NCAPD3: variants seen among roughly 807,000 people sequenced by gnomAD.
NCAPD3 encodes condensin-2 complex subunit D3.
NCAPD3 carries 105 observed loss-of-function variants against 182.9 expected under a neutral mutation model. The observed-to-expected ratio is 0.57, with a 90% CI of 0.49 to 0.68. The LOEUF (loss-of-function observed/expected upper bound fraction) is 0.68. Ranked by LOEUF, NCAPD3 falls within the 30% of genes least tolerant of loss-of-function variation. The probability of loss-of-function intolerance (pLI) is 0.00; values close to 1 mark genes in which losing one functional copy is unlikely to be tolerated. For missense variants in NCAPD3, 1,944 were observed against 1,837.0 expected (o/e 1.06, Z -1.07); for synonymous variants, 815 against 679.9 (o/e 1.20, Z -3.09).
At chr11:134,172,316 C>G (rs968451921) in intron 24 of NCAPD3, among the ~76,000 whole-genome samples, 1 of 152,222 alleles carries the variant, frequency 6.6e-6, no homozygotes, top group East Asian at 1.9e-4. Context: ...CCCATCTGGA[C>G]CCAATGTCAC....
At chr11:134,169,155 A>G in intron 24 of NCAPD3, 101 bp from the exon 25 acceptor site, 2 of 1,180,786 alleles carry the variant, frequency 1.7e-6, no homozygotes, top group South Asian at 2.0e-5. Context: ...GCTGTACATA[A>G]GCGTAGGGAT....
chr11:134,174,248 T>C (rs10791347), intron 24 of NCAPD3, among the ~76,000 whole-genome samples: 53,984 of 151,022 alleles, frequency 0.36, 9,816 homozygotes, highest in African/African-American at 0.43. Context: ...CCGAGTATGG[T>C]GGCATGCACC....
In NCAPD3 at chr11:134,192,820, C is replaced by T. The variant is rs1447476664; in HGVS notation, c.1914G>A (p.Lys638=). 3 of 1,614,058 alleles carry T rather than the reference C, an allele frequency of 1.9e-6. No individual in the cohort carries two copies. The highest frequency in any genetic ancestry group is 2.5e-6 in the Non-Finnish European group (3 of 1,180,008). ...GCAGCTGGTCCAGGAACTCCAGGGC[C>T]TTCTCCTGCACAGTGCTCTCGCAGT... The part of the protein sequence containing the change: ...VMDCESTVQE[K]ALEFLDQLLL... Residue 638 remains lysine, a synonymous_variant, in exon 16 of 35, where the codon AAG becomes AAA. Transcript: ENST00000534548.
rs1000040961 is a variant in NCAPD3 at position 134,154,479 on chromosome 11, C to CG, written c.4253-1117_4253-1116insC. Among the ~76,000 whole-genome samples the CG allele has an allele frequency of 6.3e-5, 8 of 127,662 alleles. 2 individuals carry two copies. Among genetic ancestry groups the CG allele is most frequent in the African/African-American group, 1.0e-4 (3 of 29,208 alleles). The allele number at this position is 127,662 out of a possible 152,430, so 83.8% of individuals were successfully genotyped here. ...GTCTGCACATTATGCTTCTCTGCAC[C>CG]CCCCCCCCCACCGCCCCATCTGCCT... is the stretch of plus-strand genomic sequence containing the variant. On this transcript the variant is annotated intron_variant, in intron 32 of 34. Transcript: ENST00000534548.
chr11:134,163,854 G>A (rs375059152), intron 27 of NCAPD3, among the ~76,000 whole-genome samples: 11 of 128,650 alleles, frequency 8.6e-5, no homozygotes, highest in South Asian at 4.8e-4. Context: ...CCTGGGCGAC[G>A]CAGTGAGATT....
chr11:134,191,165 T>A (rs915912799), intron 16 of NCAPD3, among the ~76,000 whole-genome samples: 2 of 152,234 alleles, frequency 1.3e-5, no homozygotes, highest in African/African-American at 4.8e-5. Context: ...CACAACCTGA[T>A]TCCAGGTTTA....
chr11:134,192,886 GATCTGCACGC>G lies in NCAPD3; in HGVS notation c.1838_1847del (p.Cys613SerfsTer13). On this transcript the variant is annotated frameshift_variant, in exon 16 of 35. Transcript: ENST00000534548. LOFTEE classifies it high-confidence loss of function. ...CCACCCCCCGCAACCAGGCTTTCTG[GATCTGCACGC>G]ATCTAGGCTGAGCCTTAGGAGTGAA... is the stretch of plus-strand genomic sequence containing the variant. 8 of 1,611,036 alleles carry G rather than the reference GATCTGCACGC, an allele frequency of 5.0e-6. No individual in the cohort carries two copies. Among genetic ancestry groups the G allele is most frequent in the Non-Finnish European group, 6.8e-6 (8 of 1,177,260 alleles).
rs542838505 is a variant in NCAPD3, at chr11:134,201,271, C to T, written c.1615+1545G>A. Among the ~76,000 whole-genome samples, 14 of 152,038 alleles carry T rather than the reference C, an allele frequency of 9.2e-5. 1 individual carries two copies. Among genetic ancestry groups the T allele is most frequent in the Non-Finnish European group, 1.5e-4 (10 of 68,002 alleles). ...TCTCCTGACCTCGTGATCCTCCTCC[C>T]GTCTCGGCCTCCCAATGTGCCAGGA... On this transcript the variant is annotated intron_variant, in intron 13 of 34. Transcript: ENST00000534548.
chr11:134,207,110 T>C (rs535969755), intron 7 of NCAPD3, among the ~76,000 whole-genome samples: 3 of 152,176 alleles, frequency 2.0e-5, no homozygotes, highest in African/African-American at 4.8e-5. Context: ...TACACCTGCT[T>C]TTTGCCTCCA....
At chr11:134,161,563 G>T (rs547346365) in intron 28 of NCAPD3, among the ~76,000 whole-genome samples, 2 of 152,334 alleles carry the variant, frequency 1.3e-5, no homozygotes, top group East Asian at 3.9e-4. Context: ...CAGTGGGCCG[G>T]CTCTTCACGG....
chr11:134,179,032 C>A, intron 20 of NCAPD3, 96 bp from the exon 21 acceptor site: 3 of 785,542 alleles, frequency 3.8e-6, no homozygotes, highest in Admixed American at 5.2e-5. Flanking sequence ...TCCTTTATCC[C>A]CCAAATTTAA....
chr11:134,152,959 C>T lies in NCAPD3; in HGVS notation c.4482G>A (p.Leu1494=). Residue 1494 remains leucine, a synonymous_variant, in exon 35 of 35, where the codon CTG becomes CTA. Transcript: ENST00000534548. ...GAGGCGCTGTTTAGTTGGCTGTTTT[C>T]AGAGGGGTCTTTCGGAGGGACCTCC... ...CSRRSLRKTP[L]KTAN is the part of the protein sequence containing the mutation. 1 of 1,559,098 alleles carries T rather than the reference C, an allele frequency of 6.4e-7. No homozygotes were observed. The highest frequency in any genetic ancestry group is 1.9e-5 in the Admixed American group (1 of 52,598).
chr11:134,197,228 T>C (rs192644818), intron 13 of NCAPD3, among the ~76,000 whole-genome samples: 1 of 151,576 alleles, frequency 6.6e-6, no homozygotes, highest in East Asian at 1.9e-4. Context: ...TGCAGAACCA[T>C]GAACCAATTA....
In NCAPD3 at chr11:134,153,355, T is replaced by C. The variant is rs565507967; in HGVS notation, c.4261A>G (p.Ser1421Gly). Residue 1421 changes from serine (S) to glycine (G), a missense_variant, in exon 33 of 35, where the codon AGT becomes GGT. By Grantham distance (56) the Ser-to-Gly change is moderately conservative (BLOSUM62 0). Transcript: ENST00000534548. Reference sequence around the variant, plus strand: ...ACCCCTGCTCCAAACGTGACATCACTGATGCTCTCTGCATAAAGAGGAGAC... The same window carrying C: ...ACCCCTGCTCCAAACGTGACATCACCGATGCTCTCTGCATAAAGAGGAGAC... ...RAISTPEKSISDVTFGAGVSY... is the reference protein window; with the variant it reads ...RAISTPEKSIGDVTFGAGVSY... 3 of 1,614,170 alleles carry C rather than the reference T, an allele frequency of 1.9e-6. No individual in the cohort carries two copies. The highest frequency in any genetic ancestry group is 1.3e-5 in the African/African-American group (1 of 75,040).
At chr11:134,177,889 T>TTCTTTCTG (rs1944208362) in intron 22 of NCAPD3, 1 of 154,244 alleles carries the variant, frequency 6.5e-6, no homozygotes, top group Admixed American at 6.5e-5. Context: ...TCCCCTTTCT[T>TTCTTTCTG]TCTTTCTTTC....
chr11:134,182,503 T>C (rs1407296587), intron 19 of NCAPD3, among the ~76,000 whole-genome samples: 1 of 152,228 alleles, frequency 6.6e-6, no homozygotes, highest in Non-Finnish European at 1.5e-5. Flanking sequence ...CTCCAGGCCC[T>C]TCTGCAGTTC....
At position 134,193,989 on chromosome 11, in the gene NCAPD3, T is replaced by C. The variant is rs1045341206; in HGVS notation, c.1824+27A>G. ...TACTTTTAATGTAAAATACCATGCA[T>C]TACATATATAATGTCCTGCCTCTCA... On this transcript the variant is annotated intron_variant, in intron 15 of 34. Coordinates refer to ENST00000534548, the MANE Select transcript of NCAPD3 (RefSeq NM_015261.3). 1.9e-5 allele frequency: 31 copies of C among 1,592,860 alleles called. No homozygotes were observed. In the African/African-American group the frequency reaches 3.9e-4, roughly 20 times the overall value.
At chr11:134,182,147 GGT>G (rs1254606153) in intron 19 of NCAPD3, among the ~76,000 whole-genome samples, 6 of 152,244 alleles carry the variant, frequency 3.9e-5, no homozygotes, top group Admixed American at 3.9e-4. Flanking sequence ...CCAGAACCTG[GGT>G]ACTAGGACTA....
intron 32 of NCAPD3, among the ~76,000 whole-genome samples, chr11:134,156,152 G>T (rs970601593): frequency 1.3e-5 from 2 of 152,214 alleles, no homozygotes; most frequent in African/African-American, 4.8e-5. Flanking sequence ...GGACCAGAAG[G>T]CCTGGGCTCA....
Sources: gnomAD v4.1 joint callset for allele counts (sites outside exome capture counted in the v4.1 genomes callset) on GRCh38, gnomAD v4.1.1 for gene constraint, MANE v1.5 for transcripts, NCBI Gene and HGNC (gene_info 2026-07-23, HGNC 2026-07-21) for gene names.